The following CSGALNACT1 variants were observed in gnomAD, a reference collection of about 807,000 sequenced individuals.
CSGALNACT1 encodes the protein chondroitin sulfate N-acetylgalactosaminyltransferase 1.
Under a neutral mutation model 51.0 loss-of-function variants are expected in CSGALNACT1, and 52 were observed. That is an observed-to-expected ratio of 1.02 (90% CI 0.82 to 1.29). CSGALNACT1 has a LOEUF of 1.29. Ranked by LOEUF, CSGALNACT1 falls within the 50% of genes most tolerant of loss-of-function variation. CSGALNACT1 has a pLI of 0.00. For missense variants in CSGALNACT1, 935 were observed against 679.2 expected, an observed-to-expected ratio of 1.38 and a Z score of -4.19; for synonymous variants, 341 against 254.4, an observed-to-expected ratio of 1.34 and a Z score of -3.24.
chr8:19,416,801 A>G (rs958570273), intron 8 of CSGALNACT1, among the ~76,000 whole-genome samples: 1 of 152,096 alleles, frequency 6.6e-6, no homozygotes, highest in Non-Finnish European at 1.5e-5. Flanking sequence ...CAATGATGAA[A>G]TTGCCTGACG....
Position 19,418,764 on chromosome 8 carries a change from A to G in CSGALNACT1, c.1133-14T>C, listed in dbSNP as rs1315963592. 1.8e-5 allele frequency: 28 copies of G among 1,562,128 alleles called. No individual in the cohort carries two copies. In the Admixed American group the frequency reaches 4.7e-4, roughly 26 times the overall value. On this transcript the variant is annotated splice_polypyrimidine_tract_variant and intron_variant, in intron 7 of 9. Transcript: ENST00000454498. ...ATACCTTCTTCCCTACAAACCAGAA[A>G]ACAAACATTCACTTAAAGTGACAGA...
chr8:19,740,194 T>A (rs1335639736), intron 1 of CSGALNACT1, among the ~76,000 whole-genome samples: 2 of 152,132 alleles, frequency 1.3e-5, no homozygotes, highest in Non-Finnish European at 2.9e-5. Flanking sequence ...CTGGGCCACA[T>A]CTGGTCCACA....
intron 5 of CSGALNACT1, among the ~76,000 whole-genome samples, chr8:19,450,417 T>C (rs190502022): frequency 6.6e-6 from 1 of 151,928 alleles, no homozygotes; most frequent in Non-Finnish European, 1.5e-5. Flanking sequence ...AAGCAAACTT[T>C]CCCTGGTGAG....
chr8:19,683,056 C>G, upstream of CSGALNACT1: 1 of 252,608 alleles, frequency 4.0e-6, no homozygotes, highest in Non-Finnish European at 8.0e-6. Flanking sequence ...CATTGCCAGA[C>G]AGGATGGACG....
At chr8:19,494,840 C>G (rs1047239928) in intron 4 of CSGALNACT1, among the ~76,000 whole-genome samples, 1 of 138,326 alleles carries the variant, frequency 7.2e-6, no homozygotes, top group African/African-American at 2.8e-5. Flanking sequence ...TTAGAAAGTC[C>G]ATTTCTTCCC....
At chr8:19,485,254 C>T (rs552136006) in intron 4 of CSGALNACT1, among the ~76,000 whole-genome samples, 6 of 152,318 alleles carry the variant, frequency 3.9e-5, no homozygotes, top group East Asian at 1.9e-4. Flanking sequence ...GTGTTCGGCA[C>T]AGGCTGAAAT....
At chr8:19,537,622 C>T (rs1340674425) in intron 3 of CSGALNACT1, among the ~76,000 whole-genome samples, 1 of 152,150 alleles carries the variant, frequency 6.6e-6, no homozygotes. Context: ...AGGCTGCAAC[C>T]CTTTATGCGA....
rs33928915 is a variant in CSGALNACT1, at chr8:19,514,475, CTATATATATATATATATA to C, written c.-296-8363_-296-8346del. Among the ~76,000 whole-genome samples, 146 of 78,752 alleles carry C rather than the reference CTATATATATATATATATA, an allele frequency of 1.9e-3. 6 individuals carry two copies. The Middle Eastern group carries it at 0.042, about 23-fold the overall frequency. 51.7% of individuals were successfully genotyped at this position (78,752 alleles called of 152,430 possible). ...GCATCATATGACTTTTGAACAGAGACTATATATATATATATATATATATATATATATATATACATGTAT... is the reference window on the plus strand; with the variant it reads ...GCATCATATGACTTTTGAACAGAGACTATATATATATATATATACATGTAT... On this transcript the variant is annotated intron_variant, in intron 3 of 9. Transcript: ENST00000454498.
Position 19,406,079 on chromosome 8 carries a change from C to T in CSGALNACT1, c.1310-10G>A, listed in dbSNP as rs370750740. ...TCCAGATCAAACCCACCTGTCGGGA[C>T]AGAACACACTGTTGAATCACACTGC... On this transcript the variant is annotated splice_polypyrimidine_tract_variant and intron_variant, in intron 9 of 9. Transcript: ENST00000454498. 2 of 1,613,982 alleles carry T rather than the reference C, an allele frequency of 1.2e-6. No individual in the cohort carries two copies. Among genetic ancestry groups the T allele is most frequent in the African/African-American group, 2.7e-5 (2 of 74,914 alleles).
intron 3 of CSGALNACT1, chr8:19,585,288 G>A (rs1164311165): frequency 2.0e-5 from 3 of 152,202 alleles, no homozygotes; most frequent in African/African-American, 7.2e-5. Context: ...TGCTGGTTGA[G>A]TTGACACTCT....
chr8:19,455,957 T>A (rs2064000944), intron 5 of CSGALNACT1, among the ~76,000 whole-genome samples: 1 of 152,148 alleles, frequency 6.6e-6, no homozygotes, highest in Non-Finnish European at 1.5e-5. Context: ...CCGCCACCCA[T>A]CCCTTCCTAC....
At chr8:19,437,477 A>G (rs2060565792) in intron 6 of CSGALNACT1, among the ~76,000 whole-genome samples, 1 of 152,146 alleles carries the variant, frequency 6.6e-6, no homozygotes, top group African/African-American at 2.4e-5. Context: ...GGCTGGCTGC[A>G]GAGGTCTGGG....
At chr8:19,751,702 C>G (rs1423720772) in intron 1 of CSGALNACT1, among the ~76,000 whole-genome samples, 1 of 152,152 alleles carries the variant, frequency 6.6e-6, no homozygotes, top group Non-Finnish European at 1.5e-5. Context: ...CGGCAGACTT[C>G]CCCCTTGCTG....
chr8:19,613,077 C>A (rs2052518523), intron 1 of CSGALNACT1, among the ~76,000 whole-genome samples: 1 of 147,384 alleles, frequency 6.8e-6, no homozygotes, highest in Non-Finnish European at 1.5e-5. Flanking sequence ...AAAATTCTTT[C>A]CAGAAAAACA....
At chr8:19,427,102 A>G (rs1419282698) in intron 6 of CSGALNACT1, among the ~76,000 whole-genome samples, 2 of 152,212 alleles carry the variant, frequency 1.3e-5, no homozygotes, top group Admixed American at 1.3e-4. Flanking sequence ...GGCACTTTAA[A>G]TAATTAATTT....
intron 1 of CSGALNACT1, among the ~76,000 whole-genome samples, chr8:19,720,041 G>A (rs1480064286): frequency 6.6e-6 from 1 of 152,188 alleles, no homozygotes; most frequent in African/African-American, 2.4e-5. Flanking sequence ...GAAGGTGGAT[G>A]TAATCACAGA....
intron 5 of CSGALNACT1, chr8:19,457,703 A>G (rs1228821829): frequency 7.5e-7 from 1 of 1,325,980 alleles, no homozygotes; most frequent in African/African-American, 1.5e-5. Flanking sequence ...TGGTGAAATC[A>G]CTTAGCTGGT....
At chr8:19,428,471 G>A (rs2059127952) in intron 6 of CSGALNACT1, among the ~76,000 whole-genome samples, 1 of 152,124 alleles carries the variant, frequency 6.6e-6, no homozygotes, top group African/African-American at 2.4e-5. Context: ...TGAGAACTGT[G>A]TGGGGGAAAA....
chr8:19,431,922 CTT>C (rs1309196397), intron 6 of CSGALNACT1, among the ~76,000 whole-genome samples: 1 of 151,714 alleles, frequency 6.6e-6, no homozygotes, highest in Non-Finnish European at 1.5e-5. Context: ...AATATTACAT[CTT>C]TGTGCACTGT....
Sources: allele counts gnomAD v4.1 joint callset (sites outside exome capture counted in the v4.1 genomes callset), GRCh38; gene constraint gnomAD v4.1.1; transcripts MANE v1.5; gene names NCBI Gene and HGNC (gene_info 2026-07-23, HGNC 2026-07-21).